The following CFAP74 variants were observed in gnomAD, a reference collection of about 807,000 sequenced individuals.
The protein encoded by CFAP74 is cilia- and flagella-associated protein 74.
CFAP74 carries 124 observed loss-of-function variants against 188.9 expected under a neutral mutation model. The ratio of observed to expected loss-of-function variants is 0.66; its 90% CI spans 0.57 to 0.76. The LOEUF is 0.76. Ranked by LOEUF, CFAP74 falls within the 30% of genes least tolerant of loss-of-function variation. CFAP74 has a pLI of 0.00. For synonymous variants in CFAP74, 956 were observed against 916.7 expected (o/e 1.04, Z -0.77); for missense variants, 2,198 against 2,165.2 (o/e 1.02, Z -0.30).
At chr1:1,932,093 A>AAAAC (rs1246446828) in intron 25 of CFAP74, among the ~76,000 whole-genome samples, 4 of 138,770 alleles carry the variant, frequency 2.9e-5, no homozygotes, top group African/African-American at 1.1e-4. Flanking sequence ...AAAACAAAAA[A>AAAAC]CAAAAAACTT....
intron 6 of CFAP74, among the ~76,000 whole-genome samples, chr1:1,976,646 A>G (rs28410799): frequency 0.3 from 46,093 of 151,932 alleles, 7,250 homozygotes; most frequent in Non-Finnish European, 0.34. Context: ...GGGTTCAAGC[A>G]ATTCTCCCGC....
At chr1:1,953,602 A>G (rs572451453) in intron 18 of CFAP74, 2 of 153,786 alleles carry the variant, frequency 1.3e-5, no homozygotes, top group African/African-American at 4.8e-5. Flanking sequence ...TGGATGGTCA[A>G]TTGATTTTTG....
At position 1,938,962 on chromosome 1, in the gene CFAP74, C is replaced by A. The variant is rs767396172; in HGVS notation, c.2904G>T (p.Gly968=). 301 of 1,536,026 alleles carry A rather than the reference C, an allele frequency of 2.0e-4. No individual in the cohort carries two copies. Among genetic ancestry groups the A allele is most frequent in the East Asian group, 2.9e-4 (12 of 40,932 alleles). The stretch of plus-strand genomic sequence containing the variant: ...TTTCCAGGGGCAGGATCGTCCCAAA[C>A]CCATCGTTGGGTTGGACGTCCACAA... ...PKFVDVQPND[G]FGTILPLETL... The change falls in exon 25 of 39, where the codon GGG becomes GGT. Residue 968 remains glycine (G), a synonymous_variant. Coordinates refer to ENST00000682832, the MANE Select transcript of CFAP74 (RefSeq NM_001304360.2).
rs533528875 is a variant in CFAP74, at chr1:1,973,829, G to A, written c.674+196C>T. 6.6e-6 allele frequency among the ~76,000 whole-genome samples: 1 copy of A among 152,050 alleles called. No individual in the cohort carries two copies. The highest frequency in any genetic ancestry group is 1.9e-4 in the East Asian group (1 of 5,130). On this transcript the variant is annotated intron_variant, in intron 7 of 38. Transcript: ENST00000682832. This position sits in a 1 kb window ranked among gnomAD's most constrained non-coding sequence, Gnocchi z 6.2. Reference sequence around the variant, plus strand: ...GGGAGGGCTGGGGCTCTGGGCAGGTGCAGGGGAGTGCCTGACACTTGGGAA... The same window carrying A: ...GGGAGGGCTGGGGCTCTGGGCAGGTACAGGGGAGTGCCTGACACTTGGGAA...
chr1:1,981,753 G>A (rs148151855), intron 6 of CFAP74, among the ~76,000 whole-genome samples: 1,785 of 63,150 alleles, frequency 0.028, 142 homozygotes, highest in East Asian at 0.047. Context: ...ACACCCAGCC[G>A]CGGTCACACG....
chr1:1,947,853 T>A (rs1276396826), intron 18 of CFAP74, among the ~76,000 whole-genome samples: 1 of 151,774 alleles, frequency 6.6e-6, no homozygotes, highest in Non-Finnish European at 1.5e-5. Flanking sequence ...TCTGGAGTTG[T>A]AAAGGCCGCA....
At chr1:1,999,364 T>A (rs1273302287) in intron 1 of CFAP74, among the ~76,000 whole-genome samples, 5 of 152,014 alleles carry the variant, frequency 3.3e-5, no homozygotes, top group Non-Finnish European at 5.9e-5. Context: ...GATTAAAGAC[T>A]CGTATGGGAA....
chr1:1,963,835 C>T lies in CFAP74; in HGVS notation c.1608G>A (p.Lys536=). 6.2e-7 allele frequency: 1 copy of T among 1,613,876 alleles called. No homozygotes were observed. Among genetic ancestry groups the T allele is most frequent in the South Asian group, 1.1e-5 (1 of 91,056 alleles). ...DFDIGKVYKK[K]ITLVNTTYTI... ...TGTAGGTGGTGTTTACCAACGTGAT[C>T]TTTTTCTTGTACACTTTGCCAATAT... The change falls in exon 14 of 39, where the codon AAG becomes AAA. Residue 536 remains lysine, a synonymous_variant. Transcript: ENST00000682832.
Position 1,932,779 on chromosome 1 carries a change from C to A in CFAP74, c.3012-2443G>T, listed in dbSNP as rs369444535. On this transcript the variant is annotated intron_variant, in intron 25 of 38. Transcript: ENST00000682832. ...GGCTAATTTTTTGTATTTTTAGTAGCGATGGTGTTTCACTGTGTTAGCCAG... is the reference window on the plus strand; with the variant it reads ...GGCTAATTTTTTGTATTTTTAGTAGAGATGGTGTTTCACTGTGTTAGCCAG... Among the ~76,000 whole-genome samples the A allele has an allele frequency of 1.4e-4, 21 of 151,176 alleles. No individual in the cohort carries two copies. The East Asian group carries it at 3.9e-3, about 28-fold the overall frequency.
rs779510580 is a variant in CFAP74, at chr1:1,988,663, T to C, written c.153-8A>G. On this transcript the variant is annotated splice_polypyrimidine_tract_variant and splice_region_variant and intron_variant, in intron 3 of 38. Coordinates refer to ENST00000682832, the MANE Select transcript of CFAP74 (RefSeq NM_001304360.2). Reference sequence around the variant, plus strand: ...TCTAGTTCTTTCACTGAGCTTAGGATGAAAAGGACGTCAGCTGCCACCACC... The same window carrying C: ...TCTAGTTCTTTCACTGAGCTTAGGACGAAAAGGACGTCAGCTGCCACCACC... The C allele has an allele frequency of 7.5e-6, 12 of 1,605,194 alleles. No homozygotes were observed. Among genetic ancestry groups the C allele is most frequent in the Non-Finnish European group, 1.0e-5 (12 of 1,179,844 alleles).
intron 1 of CFAP74, among the ~76,000 whole-genome samples, chr1:2,001,828 G>A (rs28706276): frequency 0.03 from 4,602 of 152,234 alleles, 102 homozygotes; most frequent in East Asian, 0.097. Flanking sequence ...ATCTAATCAC[G>A]AGGACACAGC....
chr1:1,959,356 C>G (rs1402432687), intron 15 of CFAP74, 147 bp from the exon 16 acceptor site: 2 of 606,344 alleles, frequency 3.3e-6, no homozygotes, highest in African/African-American at 1.9e-5. Flanking sequence ...CACCCACCCC[C>G]ACCTGGGGTC....
intron 1 of CFAP74, among the ~76,000 whole-genome samples, chr1:1,995,297 G>C (rs1000497316): frequency 1.3e-5 from 2 of 152,070 alleles, no homozygotes; most frequent in Non-Finnish European, 2.9e-5. Context: ...TTTGAGACCA[G>C]CCTGGCCAAC....
At chr1:1,995,184 G>A (rs1402157746) in intron 1 of CFAP74, among the ~76,000 whole-genome samples, 2 of 151,956 alleles carry the variant, frequency 1.3e-5, no homozygotes, top group Admixed American at 6.6e-5. Flanking sequence ...GGATAGGACT[G>A]TACTTTAATT....
chr1:1,998,717 A>G (rs1334093230), intron 1 of CFAP74, among the ~76,000 whole-genome samples: 4 of 128,676 alleles, frequency 3.1e-5, no homozygotes, highest in African/African-American at 6.9e-5. Context: ...TACTAAAAAT[A>G]CAAAAAAAAA....
chr1:1,958,211 G>A (rs915116160), intron 16 of CFAP74, among the ~76,000 whole-genome samples: 4 of 152,258 alleles, frequency 2.6e-5, no homozygotes, highest in Non-Finnish European at 5.9e-5. Context: ...GACCATGAGG[G>A]CGTCTGCTGA....
At chr1:1,971,580 G>A (rs889850952) in intron 9 of CFAP74, among the ~76,000 whole-genome samples, 13 of 152,214 alleles carry the variant, frequency 8.5e-5, no homozygotes, top group South Asian at 2.1e-4. Context: ...TCACCTGCCC[G>A]CCTCTGCTCC....
intron 18 of CFAP74, among the ~76,000 whole-genome samples, chr1:1,948,454 G>C (rs756288639): frequency 6.6e-6 from 1 of 150,420 alleles, no homozygotes; most frequent in Non-Finnish European, 1.5e-5. Flanking sequence ...TAGAGACATG[G>C]TCTTGTTATA....
chr1:1,972,425 G>GC (rs1158385138), intron 8 of CFAP74, among the ~76,000 whole-genome samples: 2 of 152,250 alleles, frequency 1.3e-5, no homozygotes, highest in Non-Finnish European at 2.9e-5. Flanking sequence ...GCCCTGGAGG[G>GC]CCAGGCCACG....
Sources: gnomAD v4.1 joint callset for allele counts (sites outside exome capture counted in the v4.1 genomes callset) on GRCh38, gnomAD v4.1.1 for gene constraint, Gnocchi (gnomAD v3.1) non-coding constraint, MANE v1.5 for transcripts, NCBI Gene and HGNC (gene_info 2026-07-23, HGNC 2026-07-21) for gene names.